FANCD2: variants seen among roughly 807,000 people sequenced by gnomAD.
FANCD2 encodes FA complementation group D2, also known as Fanconi anemia group D2 protein.
A neutral mutation model predicts 192.3 loss-of-function variants in FANCD2; 131 were observed. That is an observed-to-expected ratio of 0.68 (90% CI 0.59 to 0.79). The LOEUF (loss-of-function observed/expected upper bound fraction) is 0.79, where lower values mean the gene tolerates loss of function less well. Ranked by LOEUF, FANCD2 falls within the 30% of genes least tolerant of loss-of-function variation. The pLI is 0.00. For synonymous variants in FANCD2, 524 were observed against 612.5 expected, an observed-to-expected ratio of 0.86 and a Z score of 2.13; for missense variants, 1,508 against 1,701.6, an observed-to-expected ratio of 0.89 and a Z score of 2.00.
chr3:10,095,030 T>G, intron 40 of FANCD2, 170 bp from the exon 41 acceptor site: 1 of 653,494 alleles, frequency 1.5e-6, no homozygotes, highest in Non-Finnish European at 2.8e-6. Flanking sequence ...GAGTTGAGAA[T>G]AAGAGGTAGC....
intron 17 of FANCD2, 115 bp from the exon 18 acceptor site, chr3:10,052,272 A>G: frequency 1.4e-6 from 1 of 724,522 alleles, no homozygotes; most frequent in Non-Finnish European, 2.5e-6. Context: ...GGAGCTAAAA[A>G]GTTTTAGATA....
chr3:10,047,836 C>T (rs2087068713), intron 15 of FANCD2, 81 bp from the exon 16 acceptor site: 5 of 1,567,556 alleles, frequency 3.2e-6, no homozygotes, highest in Non-Finnish European at 4.4e-6. Flanking sequence ...GTCTGACATT[C>T]CAAAAGGATA....
rs765677370 is a variant in FANCD2 at position 10,078,125 on chromosome 3, G to T, written c.2904G>T (p.Leu968Phe). The stretch of plus-strand genomic sequence containing the variant: ...TTGGGCCCCCTGAGCTGCTTTTCTT[G>T]CTGGAAGATCTCTCCCAGAAGCTGG... Reference protein sequence around the residue: ...VQLGPPELLFLLEDLSQKLES... With the variant: ...VQLGPPELLFFLEDLSQKLES... The change falls in exon 30 of 44, where the codon TTG (leucine) becomes TTT (phenylalanine). Residue 968 changes from leucine to phenylalanine, a missense_variant. Physicochemically the swap from Leu to Phe is conservative, Grantham distance 22. Around this residue, in one of 5 missense-constraint regions of FANCD2, gnomAD observed 796 missense variants for 879.4 expected, o/e 0.91. Coordinates refer to ENST00000675286, the MANE Select transcript of FANCD2 (RefSeq NM_001018115.3). 19 of 1,613,920 alleles carry T rather than the reference G, an allele frequency of 1.2e-5. No homozygotes were observed. The highest frequency in any genetic ancestry group is 1.4e-5 in the Non-Finnish European group (17 of 1,179,876).
At chr3:10,060,215 A>G in intron 18 of FANCD2, 79 bp from the exon 19 acceptor site, 2 of 949,904 alleles carry the variant, frequency 2.1e-6, no homozygotes, top group South Asian at 1.3e-5. Context: ...TTTATAGTCT[A>G]GCTATATGGC....
At position 10,034,747 on chromosome 3, in the gene FANCD2, G is replaced by A. The variant is rs2124975253; in HGVS notation, c.326G>A (p.Ser109Asn). The A allele has an allele frequency of 1.3e-6, 2 of 1,572,558 alleles. No homozygotes were observed. Among genetic ancestry groups the A allele is most frequent in the Non-Finnish European group, 1.7e-6 (2 of 1,158,614 alleles). ...GLESYIEDED[S>N]FRNCLLSCER... is the part of the protein sequence containing the mutation. ...GAGTCTTACATTGAGGATGAAGACA[G>A]TTTCAGGAACTGCCTTTTGTCTTGT... Residue 109 changes from serine to asparagine, a missense_variant, in exon 5 of 44, where the codon AGT becomes AAT. Around this residue, in one of 5 missense-constraint regions of FANCD2, gnomAD observed 435 missense variants for 421.9 expected, o/e 1.03. Transcript: ENST00000675286.
At position 10,078,070 on chromosome 3, in the gene FANCD2, C is replaced by T. The variant is rs201305493; in HGVS notation, c.2860-11C>T. 18 of 1,561,244 alleles carry T rather than the reference C, an allele frequency of 1.2e-5. No individual in the cohort carries two copies. The East Asian group carries it at 4.0e-4, about 35-fold the overall frequency. On this transcript the variant is annotated splice_polypyrimidine_tract_variant and intron_variant, in intron 29 of 43. Coordinates refer to ENST00000675286, the MANE Select transcript of FANCD2 (RefSeq NM_001018115.3). ...ACATTCCTGGAACTAATCCTTTCCT[C>T]CATGTGACAGGCTACAGAAGTTGTG...
chr3:10,050,955 G>A (rs767109599), intron 17 of FANCD2, among the ~76,000 whole-genome samples: 37 of 151,972 alleles, frequency 2.4e-4, no homozygotes, highest in Non-Finnish European at 4.6e-4. Flanking sequence ...GCATTGTGGT[G>A]CATGCCTGTA....
In FANCD2 at chr3:10,090,960, G is replaced by T. The variant is rs368576184; in HGVS notation, c.3777+575G>T. ...TTTGCCTCCTGCTAACTGGCATGAG[G>T]TAAGCCAGCCTGTTTGAGATACTGT... On this transcript the variant is annotated intron_variant, in intron 37 of 43. Coordinates refer to ENST00000675286, the MANE Select transcript of FANCD2 (RefSeq NM_001018115.3). Among the ~76,000 whole-genome samples, 140 of 151,966 alleles carry T rather than the reference G, an allele frequency of 9.2e-4. 1 individual carries two copies. In the East Asian group the frequency reaches 0.015, roughly 16 times the overall value.
intron 17 of FANCD2, among the ~76,000 whole-genome samples, chr3:10,051,380 C>CAAAAAAAAA (rs35760922): frequency 2.3e-4 from 2 of 8,700 alleles, no homozygotes; most frequent in African/African-American, 3.7e-4. Flanking sequence ...GACTCCGTCT[C>CAAAAAAAAA]AAAAAAAAAA....
In FANCD2 at chr3:10,096,427, T is replaced by C. The variant is rs954149471; in HGVS notation, c.4140T>C (p.Cys1380=). 8.7e-6 allele frequency: 14 copies of C among 1,614,014 alleles called. No individual in the cohort carries two copies. The highest frequency in any genetic ancestry group is 1.1e-5 in the Non-Finnish European group (13 of 1,179,988). The part of the protein sequence containing the change: ...RVKAMLTLNN[C]REAFWLGNLK... ...AAGCTATGCTCACTCTCAACAATTG[T>C]AGAGAGGCTTTCTGGCTGGGCAATC... Residue 1380 remains cysteine (C), a synonymous_variant, in exon 42 of 44, where the codon TGT becomes TGC. Transcript: ENST00000675286.
chr3:10,094,312 A>G lies in FANCD2; in HGVS notation c.3912A>G (p.Ala1304=), dbSNP rs1014399633. The G allele has an allele frequency of 6.2e-7, 1 of 1,613,966 alleles. No individual in the cohort carries two copies. Among genetic ancestry groups the G allele is most frequent in the African/African-American group, 1.3e-5 (1 of 74,908 alleles). Residue 1304 remains alanine, a synonymous_variant, in exon 40 of 44, where the codon GCA becomes GCG. Transcript: ENST00000675286. ...AGTATGGGCGTCTCTTTGTGGAAGC[A>G]TTTCTGAAGCAATGTATGCCGCTCC... The part of the protein sequence containing the change: ...CLKYGRLFVE[A]FLKQCMPLLD...
At position 10,081,133 on chromosome 3, in the gene FANCD2, C is replaced by G; in HGVS notation, c.3010C>G (p.Leu1004Val). The change falls in exon 31 of 44, where the codon CTC (leucine) becomes GTC (valine). Residue 1004 changes from leucine to valine, a missense_variant. Coordinates refer to ENST00000675286, the MANE Select transcript of FANCD2 (RefSeq NM_001018115.3). ...KGSRNIGFSH[L>V]QQRSAQEIVH... The stretch of plus-strand genomic sequence containing the variant: ...AAGCCGGAATATTGGATTCTCACAT[C>G]TCCAACAGAGATCTGCCCAAGAAAT... 1 of 1,614,158 alleles carries G rather than the reference C, an allele frequency of 6.2e-7. No individual in the cohort carries two copies. The highest frequency in any genetic ancestry group is 8.5e-7 in the Non-Finnish European group (1 of 1,180,000).
Position 10,075,566 on chromosome 3 carries a change from A to G in FANCD2, c.2859+893A>G, listed in dbSNP as rs34220994. ...ACTCTAGTGAGAGAATGATGTTTAT[A>G]TAGAAGTTGGGAGTAGAGGACATTT... is the stretch of plus-strand genomic sequence containing the variant. On this transcript the variant is annotated intron_variant, in intron 29 of 43. Coordinates refer to ENST00000675286, the MANE Select transcript of FANCD2 (RefSeq NM_001018115.3). Among the ~76,000 whole-genome samples the G allele has an allele frequency of 6.0e-3, 918 of 152,262 alleles. 7 individuals carry two copies. The highest frequency in any genetic ancestry group is 0.021 in the African/African-American group (870 of 41,542).
At chr3:10,060,196 G>T in intron 18 of FANCD2, 98 bp from the exon 19 acceptor site, 1 of 809,614 alleles carries the variant, frequency 1.2e-6, no homozygotes, top group South Asian at 1.5e-5. Context: ...TTAGTAAACG[G>T]TAAACGCCTT....
chr3:10,032,462 G>C (rs1055881722), intron 2 of FANCD2: 16 of 290,064 alleles, frequency 5.5e-5, no homozygotes, highest in Non-Finnish European at 8.6e-5. Context: ...TGTGTGGAGG[G>C]GGGGAATGGG....
intron 6 of FANCD2, among the ~76,000 whole-genome samples, chr3:10,035,685 A>G (rs1386882877): frequency 6.6e-6 from 1 of 151,744 alleles, no homozygotes; most frequent in East Asian, 1.9e-4. Flanking sequence ...ACTTCCCTCC[A>G]CCCCATTCTC....
intron 29 of FANCD2, among the ~76,000 whole-genome samples, chr3:10,075,544 C>G (rs1693486151): frequency 6.6e-6 from 1 of 152,074 alleles, no homozygotes; most frequent in South Asian, 2.1e-4. Context: ...TAGTGAAACT[C>G]TAGTGAGAGA....
intron 39 of FANCD2, among the ~76,000 whole-genome samples, chr3:10,093,714 T>C (rs1175611888): frequency 2.6e-5 from 4 of 152,170 alleles, no homozygotes; most frequent in African/African-American, 9.7e-5. Flanking sequence ...CAAACTTCTC[T>C]TTTGTGGGAA....
intron 2 of FANCD2, chr3:10,032,243 A>G (rs1025918860): frequency 2.7e-6 from 1 of 365,746 alleles, no homozygotes. Context: ...TGGGTGGAAA[A>G]CATTTCTGTG....
Sources: allele counts gnomAD v4.1 joint callset (sites outside exome capture counted in the v4.1 genomes callset), GRCh38; gene constraint gnomAD v4.1.1; regional missense constraint gnomAD v4.1.1; transcripts MANE v1.5; gene names NCBI Gene and HGNC (gene_info 2026-07-23, HGNC 2026-07-21).